FRMPD2: variants seen among roughly 807,000 people sequenced by gnomAD.
The protein encoded by FRMPD2 is FERM and PDZ domain-containing protein 2.
A neutral mutation model predicts 140.1 loss-of-function variants in FRMPD2; 96 were observed. The ratio of observed to expected loss-of-function variants is 0.69; its 90% CI spans 0.58 to 0.81. The LOEUF is 0.81. FRMPD2 is among the 40% of genes least tolerant of loss of function. The pLI, the probability that FRMPD2 is intolerant of heterozygous loss-of-function variation, is 0.00. For synonymous variants in FRMPD2, 449 were observed against 547.6 expected (o/e 0.82, Z 2.52); for missense variants, 1,240 against 1,447.4 (o/e 0.86, Z 2.32).
Position 48,185,546 on chromosome 10 carries a change from C to T in FRMPD2, c.2359+7G>A. 3 of 1,611,512 alleles carry T rather than the reference C, an allele frequency of 1.9e-6. No homozygotes were observed. The highest frequency in any genetic ancestry group is 2.2e-5 in the South Asian group (2 of 91,010). ...GACTGGGCCTCACCTACAGGGAGCC[C>T]TCTTACCAAAACCACGATGTGGGTC... On this transcript the variant is annotated splice_region_variant and intron_variant, in intron 18 of 28. Coordinates refer to ENST00000374201, the MANE Select transcript of FRMPD2 (RefSeq NM_001018071.4).
At chr10:48,176,532 G>C (rs1372962676) in intron 22 of FRMPD2, among the ~76,000 whole-genome samples, 1 of 150,794 alleles carries the variant, frequency 6.6e-6, no homozygotes, top group Non-Finnish European at 1.5e-5. Context: ...ACGGGTTTGA[G>C]TGTTTTTCAT....
At chr10:48,241,948 T>C (rs890825627) in intron 5 of FRMPD2, 7 of 370,954 alleles carry the variant, frequency 1.9e-5, no homozygotes, top group Non-Finnish European at 3.4e-5. Context: ...CACTGCCCAA[T>C]AGAACTGCAA....
intron 1 of FRMPD2, among the ~76,000 whole-genome samples, chr10:48,258,679 AT>A (rs1311089690): frequency 6.6e-6 from 1 of 150,556 alleles, no homozygotes; most frequent in East Asian, 1.9e-4. Flanking sequence ...CATTCAGAGC[AT>A]TTTAGAGTAG....
chr10:48,162,932 A>AG (rs1172166609), intron 28 of FRMPD2, among the ~76,000 whole-genome samples: 1 of 150,004 alleles, frequency 6.7e-6, no homozygotes, highest in Non-Finnish European at 1.5e-5. Context: ...AAAAAAAAAA[A>AG]AAAAAAAAGC....
intron 16 of FRMPD2, among the ~76,000 whole-genome samples, chr10:48,188,686 G>C (rs1838753184): frequency 6.6e-6 from 1 of 152,246 alleles, no homozygotes; most frequent in Non-Finnish European, 1.5e-5. Flanking sequence ...CACAGTCTGG[G>C]AGGAGCCGAG....
chr10:48,188,547 G>A (rs989132696), intron 16 of FRMPD2, among the ~76,000 whole-genome samples: 2 of 152,220 alleles, frequency 1.3e-5, no homozygotes, highest in African/African-American at 2.4e-5. Context: ...CATGGGCCCT[G>A]TCCTCTGAGA....
intron 12 of FRMPD2, among the ~76,000 whole-genome samples, chr10:48,214,883 A>G (rs1440017630): frequency 6.6e-6 from 1 of 152,252 alleles, no homozygotes; most frequent in Non-Finnish European, 1.5e-5. Flanking sequence ...CCAGAGGATC[A>G]CTAGGAAGGC....
chr10:48,253,411 A>C (rs1840429743), intron 1 of FRMPD2, among the ~76,000 whole-genome samples: 1 of 152,254 alleles, frequency 6.6e-6, no homozygotes. Flanking sequence ...CAATAAAATG[A>C]ACAGCTGATT....
rs184535167 is a variant in FRMPD2, at chr10:48,243,554, A to T, written c.376-1202T>A. Among the ~76,000 whole-genome samples the T allele has an allele frequency of 7.0e-4, 106 of 152,316 alleles. 1 individual carries two copies. In the East Asian group the frequency reaches 0.018, roughly 26 times the overall value. ...CCTGTGCTATGACACAGGGTCACAC[A>T]CTCAGGACACACACCCAGGAAGCCG... On this transcript the variant is annotated intron_variant, in intron 4 of 28. Transcript: ENST00000374201.
chr10:48,246,709 C>A (rs1485866000), intron 3 of FRMPD2, among the ~76,000 whole-genome samples: 1 of 152,184 alleles, frequency 6.6e-6, no homozygotes, highest in African/African-American at 2.4e-5. Context: ...AGAACGAGGC[C>A]CAGGACTGGG....
chr10:48,207,174 T>A (rs909291633), intron 13 of FRMPD2, among the ~76,000 whole-genome samples: 4 of 152,068 alleles, frequency 2.6e-5, no homozygotes, highest in Non-Finnish European at 5.9e-5. Flanking sequence ...AGGAATACTT[T>A]TCTCATGGAA....
chr10:48,255,477 C>T (rs1034746991), intron 1 of FRMPD2, among the ~76,000 whole-genome samples: 10 of 152,174 alleles, frequency 6.6e-5, no homozygotes, highest in Non-Finnish European at 1.2e-4. Context: ...ACAGCCTTCC[C>T]TCAGCCATTA....
chr10:48,181,319 A>G (rs1392699867), intron 20 of FRMPD2, among the ~76,000 whole-genome samples: 2 of 152,284 alleles, frequency 1.3e-5, no homozygotes, highest in African/African-American at 2.4e-5. Context: ...AGATATACAT[A>G]TAGGAAGATA....
intron 13 of FRMPD2, 125 bp from the exon 14 acceptor site, chr10:48,207,058 G>A (rs1839217491): frequency 2.5e-6 from 2 of 806,566 alleles, no homozygotes; most frequent in Non-Finnish European, 3.7e-6. Flanking sequence ...GAATTGTCAT[G>A]TAAGTTTAGG....
At chr10:48,199,299 C>T (rs1211934306) in intron 15 of FRMPD2, among the ~76,000 whole-genome samples, 1 of 147,186 alleles carries the variant, frequency 6.8e-6, no homozygotes, top group African/African-American at 2.5e-5. Flanking sequence ...CCCTACTCTA[C>T]AAGGTACCTT....
At chr10:48,199,724 G>T (rs928052070) in intron 15 of FRMPD2, 2 of 152,166 alleles carry the variant, frequency 1.3e-5, no homozygotes, top group Admixed American at 6.5e-5. Context: ...TACAGCAGAC[G>T]GCTGCAGCCG....
chr10:48,188,754 T>C (rs1439388728), intron 16 of FRMPD2, among the ~76,000 whole-genome samples: 2 of 152,232 alleles, frequency 1.3e-5, no homozygotes, highest in African/African-American at 4.8e-5. Flanking sequence ...GAAGGGCTTT[T>C]CTGGGCCTGG....
intron 1 of FRMPD2, among the ~76,000 whole-genome samples, chr10:48,264,868 C>T (rs1161589932): frequency 6.6e-6 from 1 of 151,960 alleles, no homozygotes; most frequent in Non-Finnish European, 1.5e-5. Flanking sequence ...AGTTGTAGGA[C>T]TGATCCAACT....
At chr10:48,188,107 C>T (rs1838734245) in intron 16 of FRMPD2, among the ~76,000 whole-genome samples, 2 of 152,192 alleles carry the variant, frequency 1.3e-5, no homozygotes. Context: ...GACTCCTGGA[C>T]AGCCAAACAT....
Sources: gnomAD v4.1 joint callset for allele counts (sites outside exome capture counted in the v4.1 genomes callset) on GRCh38, gnomAD v4.1.1 for gene constraint, MANE v1.5 for transcripts, NCBI Gene and HGNC (gene_info 2026-07-23, HGNC 2026-07-21) for gene names.